Variants in RORA observed in about 807,000 individuals in gnomAD.
RORA encodes the protein nuclear receptor ROR-alpha.
A neutral mutation model predicts 69.5 loss-of-function variants in RORA; 7 were observed. The ratio of observed to expected loss-of-function variants is 0.10; its 90% CI spans 0.06 to 0.19. RORA has a LOEUF of 0.19. Among genes scored for constraint, RORA ranks in the 10% least tolerant of loss-of-function variants. The pLI, the probability that RORA is intolerant of heterozygous loss-of-function variation, is 1.00. For synonymous variants in RORA, 261 were observed against 240.8 expected (o/e 1.08, Z -0.78); for missense variants, 457 against 663.0 (o/e 0.69, Z 3.41).
chr15:60,548,578 C>A (rs1234806883), intron 2 of RORA, among the ~76,000 whole-genome samples: 2 of 152,232 alleles, frequency 1.3e-5, no homozygotes, highest in African/African-American at 4.8e-5. Flanking sequence ...ATGAAACCCT[C>A]AAGTGCTGGG....
At chr15:60,559,299 C>T (rs1394512013) in intron 2 of RORA, among the ~76,000 whole-genome samples, 1 of 152,086 alleles carries the variant, frequency 6.6e-6, no homozygotes, top group Non-Finnish European at 1.5e-5. Flanking sequence ...TTTCTTCCTC[C>T]TTCATCTGTA....
At chr15:60,915,651 A>G (rs1212067296) in intron 1 of RORA, among the ~76,000 whole-genome samples, 2 of 152,222 alleles carry the variant, frequency 1.3e-5, no homozygotes, top group Non-Finnish European at 2.9e-5. Flanking sequence ...TAATTAATTT[A>G]GATTTACATT....
At chr15:61,092,319 G>C (rs4775358) in intron 1 of RORA, among the ~76,000 whole-genome samples, 2 of 152,004 alleles carry the variant, frequency 1.3e-5, no homozygotes, top group African/African-American at 2.4e-5. Flanking sequence ...TCTAATCAAG[G>C]AAACTTCTAG....
intron 1 of RORA, among the ~76,000 whole-genome samples, chr15:60,930,560 C>G (rs894831389): frequency 6.6e-6 from 1 of 152,210 alleles, no homozygotes; most frequent in Non-Finnish European, 1.5e-5. Flanking sequence ...TCAGCCTCCC[C>G]TAGCAGATGT....
At chr15:60,536,746 G>C (rs1301899819) in intron 2 of RORA, among the ~76,000 whole-genome samples, 1 of 152,214 alleles carries the variant, frequency 6.6e-6, no homozygotes, top group Non-Finnish European at 1.5e-5. Context: ...GCCGAACCTT[G>C]GGTACACCTA....
chr15:61,211,705 G>A (rs1394956480), intron 1 of RORA, among the ~76,000 whole-genome samples: 1 of 152,180 alleles, frequency 6.6e-6, no homozygotes, highest in African/African-American at 2.4e-5. Context: ...TTCCAACAGG[G>A]CAGAGCCCCC....
intron 4 of RORA, among the ~76,000 whole-genome samples, chr15:60,512,419 T>C (rs761930647): frequency 6.6e-6 from 1 of 152,198 alleles, no homozygotes; most frequent in Non-Finnish European, 1.5e-5. Flanking sequence ...CCTACGTAGC[T>C]GGGACCACGT....
intron 1 of RORA, chr15:61,038,926 G>C (rs1447244368): frequency 5.9e-5 from 9 of 152,278 alleles, no homozygotes; most frequent in Admixed American, 5.9e-4. Context: ...CATCCAGGAT[G>C]CCTTGCTGCT....
chr15:61,061,354 AAAATAAAT>A lies in RORA; in HGVS notation c.166+167691_166+167698del, dbSNP rs59914367. Among the ~76,000 whole-genome samples the A allele has an allele frequency of 3.3e-3, 458 of 137,158 alleles. No homozygotes were observed. The highest frequency in any genetic ancestry group is 0.015 in the Middle Eastern group (4 of 264). The allele number at this position is 137,158 out of a possible 152,430, so 90.0% of individuals were successfully genotyped here. On this transcript the variant is annotated intron_variant, in intron 1 of 10. Coordinates refer to ENST00000335670, the MANE Select transcript of RORA (RefSeq NM_134261.3). The surrounding 1 kb of genome is among the most constrained non-coding windows in gnomAD (Gnocchi z 4.4). Reference sequence around the variant, plus strand: ...GAGACAGAGCGAGGCTCTATCTTAAAAAATAAATAAATAAATAAATAAATAAATAAATA... The same window carrying A: ...GAGACAGAGCGAGGCTCTATCTTAAAAAATAAATAAATAAATAAATAAATA...
chr15:60,975,331 G>A (rs541683449), intron 1 of RORA, among the ~76,000 whole-genome samples: 13 of 152,284 alleles, frequency 8.5e-5, no homozygotes, highest in East Asian at 5.8e-4. Context: ...CAGGCAAACC[G>A]AGTACTGGGT....
chr15:60,842,318 CA>C (rs1051515507), intron 1 of RORA, among the ~76,000 whole-genome samples: 1 of 152,148 alleles, frequency 6.6e-6, no homozygotes, highest in African/African-American at 2.4e-5. Context: ...CCATGGGCTG[CA>C]GGATAAAGTC....
At chr15:60,844,176 T>C (rs1156245787) in intron 1 of RORA, among the ~76,000 whole-genome samples, 1 of 152,180 alleles carries the variant, frequency 6.6e-6, no homozygotes, top group Non-Finnish European at 1.5e-5. Flanking sequence ...CTCTCTGCCC[T>C]TCCTGAGTTG....
rs1567052207 is a variant in RORA at position 60,516,173 on chromosome 15, TTATATATATATTTATATATATATTTA to T, written c.283-1442_283-1417del. On this transcript the variant is annotated intron_variant, in intron 3 of 10. Transcript: ENST00000335670. ...TATATATATATATTTATATATATAT[TTATATATATATTTATATATATATTTA>T]TATATATATTTATATATATATATTT... 4.2e-3 allele frequency among the ~76,000 whole-genome samples: 145 copies of T among 34,708 alleles called. 11 individuals are homozygous for T. Among genetic ancestry groups the T allele is most frequent in the African/African-American group, 0.014 (141 of 9,772 alleles). The allele number at this position is 34,708 out of a possible 152,430, so 22.8% of individuals were successfully genotyped here.
chr15:61,161,250 G>A (rs930962716), intron 1 of RORA, among the ~76,000 whole-genome samples: 5 of 152,158 alleles, frequency 3.3e-5, no homozygotes, highest in African/African-American at 1.2e-4. Flanking sequence ...CTATCTTTCT[G>A]AATTTTTTTG....
intron 2 of RORA, chr15:60,614,982 A>C (rs779958576): frequency 6.2e-7 from 1 of 1,614,036 alleles, no homozygotes; most frequent in South Asian, 1.1e-5. Flanking sequence ...TTATGTGCTC[A>C]AGTTGAGACC....
chr15:61,140,462 C>T (rs779832797), intron 1 of RORA, among the ~76,000 whole-genome samples: 11 of 152,144 alleles, frequency 7.2e-5, no homozygotes, highest in Non-Finnish European at 1.3e-4. Flanking sequence ...TGTTGCCACC[C>T]GGATGTGACT....
intron 1 of RORA, among the ~76,000 whole-genome samples, chr15:60,813,715 A>G (rs1027923547): frequency 2.6e-5 from 4 of 152,218 alleles, no homozygotes; most frequent in Admixed American, 6.5e-5. Context: ...TACCTATCAG[A>G]TCAAATGTAA....
chr15:60,557,292 T>C (rs912526523), intron 2 of RORA, among the ~76,000 whole-genome samples: 3 of 152,222 alleles, frequency 2.0e-5, no homozygotes, highest in Non-Finnish European at 2.9e-5. Flanking sequence ...TATAGAATGC[T>C]CACAACTGTT....
At chr15:60,869,372 G>C (rs536157951) in intron 1 of RORA, among the ~76,000 whole-genome samples, 1 of 152,278 alleles carries the variant, frequency 6.6e-6, no homozygotes, top group African/African-American at 2.4e-5. Flanking sequence ...TGGGACTATA[G>C]GTGTCACCCA....
Sources: gnomAD v4.1 joint callset for allele counts (sites outside exome capture counted in the v4.1 genomes callset) on GRCh38, gnomAD v4.1.1 for gene constraint, Gnocchi (gnomAD v3.1) non-coding constraint, MANE v1.5 for transcripts, NCBI Gene and HGNC (gene_info 2026-07-23, HGNC 2026-07-21) for gene names.